PDE3A: variants seen among roughly 807,000 people sequenced by gnomAD.
The protein encoded by PDE3A is cGMP-inhibited 3',5'-cyclic phosphodiesterase 3A.
In PDE3A, 43 loss-of-function variants were observed where a neutral mutation model predicts 98.3. That is an observed-to-expected ratio of 0.44 (90% CI 0.34 to 0.56). The LOEUF (loss-of-function observed/expected upper bound fraction) is 0.56. Among genes scored for constraint, PDE3A ranks in the 20% least tolerant of loss-of-function variants. The pLI is 0.01. For synonymous variants in PDE3A, 663 were observed against 567.9 expected, an observed-to-expected ratio of 1.17 and a Z score of -2.38; for missense variants, 1,427 against 1,440.7, an observed-to-expected ratio of 0.99 and a Z score of 0.15.
chr12:20,404,000 A>C (rs535461383), intron 1 of PDE3A, among the ~76,000 whole-genome samples: 1 of 152,096 alleles, frequency 6.6e-6, no homozygotes, highest in African/African-American at 2.4e-5. Flanking sequence ...ATTTTCTTTC[A>C]AAGGCTCTTC....
chr12:20,635,179 G>T, intron 8 of PDE3A, 123 bp downstream of exon 8: 1 of 818,324 alleles, frequency 1.2e-6, no homozygotes, highest in Admixed American at 2.6e-5. Flanking sequence ...CCAACATTTT[G>T]GGAGGACGAA....
intron 1 of PDE3A, among the ~76,000 whole-genome samples, chr12:20,425,412 T>C (rs1333151248): frequency 6.6e-6 from 1 of 152,198 alleles, no homozygotes; most frequent in Admixed American, 6.5e-5. Context: ...TCCTAATGAC[T>C]CACTTAAATG....
chr12:20,437,202 C>T (rs555556139), intron 1 of PDE3A, among the ~76,000 whole-genome samples: 1 of 152,102 alleles, frequency 6.6e-6, no homozygotes, highest in South Asian at 2.1e-4. Flanking sequence ...GTGGATGGCT[C>T]ATGACAAAAA....
chr12:20,447,647 C>G (rs544452967), intron 1 of PDE3A, among the ~76,000 whole-genome samples: 3 of 152,284 alleles, frequency 2.0e-5, no homozygotes, highest in East Asian at 1.9e-4. Flanking sequence ...TATACTTCAC[C>G]CTATGCAGCT....
intron 1 of PDE3A, among the ~76,000 whole-genome samples, chr12:20,373,120 A>G (rs1392622727): frequency 6.6e-6 from 1 of 152,146 alleles, no homozygotes; most frequent in East Asian, 1.9e-4. Flanking sequence ...ATTCTCAGGA[A>G]AAAACAAAGT....
intron 1 of PDE3A, among the ~76,000 whole-genome samples, chr12:20,423,137 A>T (rs920478521): frequency 2.6e-5 from 4 of 152,200 alleles, no homozygotes; most frequent in Non-Finnish European, 5.9e-5. Context: ...AAATATATTT[A>T]TATAAAACAT....
chr12:20,589,491 G>A (rs1943273646), intron 2 of PDE3A, among the ~76,000 whole-genome samples: 1 of 152,100 alleles, frequency 6.6e-6, no homozygotes, highest in Admixed American at 6.6e-5. Context: ...AGGTTTGCTG[G>A]CAATAGGTCT....
At chr12:20,524,449 G>A (rs1209274109) in intron 1 of PDE3A, among the ~76,000 whole-genome samples, 1 of 152,056 alleles carries the variant, frequency 6.6e-6, no homozygotes, top group African/African-American at 2.4e-5. Flanking sequence ...ATCATGGTGC[G>A]TGCTCACTAA....
intron 1 of PDE3A, among the ~76,000 whole-genome samples, chr12:20,507,476 G>A (rs188914308): frequency 6.6e-6 from 1 of 151,980 alleles, no homozygotes; most frequent in African/African-American, 2.4e-5. Context: ...AAATTAAGTG[G>A]CAGACTGATA....
chr12:20,420,003 G>C (rs1565543372), intron 1 of PDE3A, among the ~76,000 whole-genome samples: 1 of 152,134 alleles, frequency 6.6e-6, no homozygotes, highest in Non-Finnish European at 1.5e-5. Flanking sequence ...TGAGGACACA[G>C]AGCCAAACCG....
At chr12:20,391,815 T>C (rs927291353) in intron 1 of PDE3A, among the ~76,000 whole-genome samples, 2 of 151,792 alleles carry the variant, frequency 1.3e-5, no homozygotes, top group Admixed American at 1.3e-4. Context: ...TCTTTTGAAA[T>C]TGAGGAGTCC....
chr12:20,398,844 C>A (rs1208339948), intron 1 of PDE3A, among the ~76,000 whole-genome samples: 1 of 152,102 alleles, frequency 6.6e-6, no homozygotes, highest in Non-Finnish European at 1.5e-5. Flanking sequence ...ACCATGTTAA[C>A]CATTTTTAAA....
At chr12:20,486,927 C>T (rs1003601085) in intron 1 of PDE3A, among the ~76,000 whole-genome samples, 4 of 152,158 alleles carry the variant, frequency 2.6e-5, no homozygotes, top group African/African-American at 9.6e-5. Flanking sequence ...AGTCACCACG[C>T]TTGGCTTAAT....
intron 2 of PDE3A, among the ~76,000 whole-genome samples, chr12:20,609,011 G>A (rs1213675444): frequency 6.6e-6 from 1 of 151,946 alleles, no homozygotes; most frequent in East Asian, 1.9e-4. Flanking sequence ...GGATCACACT[G>A]GATGAGATTT....
In PDE3A at chr12:20,461,382, T is replaced by A. The variant is rs1945248093; in HGVS notation, c.960+91138T>A. ...AGTAGTGACATAAAGTTTTAAAAAA[T>A]AAATCCAATTGGAAACAAAATTTTA... On this transcript the variant is annotated intron_variant, in intron 1 of 15. Transcript: ENST00000359062. Among the ~76,000 whole-genome samples, 5 of 151,906 alleles carry A rather than the reference T, an allele frequency of 3.3e-5. No homozygotes were observed. The South Asian group carries it at 1.0e-3, about 31-fold the overall frequency.
At position 20,645,616 on chromosome 12, in the gene PDE3A, C is replaced by A. The variant is rs547726548; in HGVS notation, c.2252-874C>A. 1.2e-4 allele frequency among the ~76,000 whole-genome samples: 18 copies of A among 152,060 alleles called. 1 individual carries two copies. Among genetic ancestry groups the A allele is most frequent in the Admixed American group, 1.2e-3 (18 of 15,264 alleles). On this transcript the variant is annotated intron_variant, in intron 10 of 15. Coordinates refer to ENST00000359062, the MANE Select transcript of PDE3A (RefSeq NM_000921.5). ...TAATCAGTGAAGTATTATGAGGGGT[C>A]TGATAAACAAAAAACTTGGAAGAAT... is the stretch of plus-strand genomic sequence containing the variant.
chr12:20,391,378 T>C (rs983778289), intron 1 of PDE3A, among the ~76,000 whole-genome samples: 1 of 134,872 alleles, frequency 7.4e-6, no homozygotes, highest in South Asian at 2.3e-4. Flanking sequence ...CATATATATA[T>C]ATATATATAT....
intron 4 of PDE3A, among the ~76,000 whole-genome samples, chr12:20,620,921 C>G (rs978147773): frequency 1.3e-5 from 2 of 152,018 alleles, no homozygotes; most frequent in Non-Finnish European, 2.9e-5. Flanking sequence ...ATGACACTTA[C>G]AGCTTATGTA....
chr12:20,670,612 G>A (rs911322257), intron 15 of PDE3A, among the ~76,000 whole-genome samples: 7 of 151,332 alleles, frequency 4.6e-5, no homozygotes, highest in Admixed American at 1.3e-4. Flanking sequence ...GGTACATAAC[G>A]AAATGAAGGC....
Sources: allele counts gnomAD v4.1 joint callset (sites outside exome capture counted in the v4.1 genomes callset), GRCh38; gene constraint gnomAD v4.1.1; transcripts MANE v1.5; gene names NCBI Gene and HGNC (gene_info 2026-07-23, HGNC 2026-07-21).